DACH2: variants seen among roughly 807,000 people sequenced by gnomAD.
DACH2 encodes the protein dachshund family transcription factor 2.
DACH2 carries 17 observed loss-of-function variants against 35.8 expected under a neutral mutation model. The observed-to-expected ratio is 0.48, with a 90% CI of 0.33 to 0.71. The LOEUF is 0.71. Among genes scored for constraint, DACH2 ranks in the 30% least tolerant of loss-of-function variants. DACH2 has a pLI of 0.02. For synonymous variants in DACH2, 195 were observed against 177.3 expected, an observed-to-expected ratio of 1.10 and a Z score of -0.79; for missense variants, 469 against 472.7, an observed-to-expected ratio of 0.99 and a Z score of 0.07.
intron 2 of DACH2, among the ~76,000 whole-genome samples, chrX:86,380,595 T>A (rs1049321364): frequency 9.1e-6 from 1 of 110,214 alleles, no homozygotes. Flanking sequence ...AATATTCAGG[T>A]CTACATTTTG....
intron 1 of DACH2, among the ~76,000 whole-genome samples, chrX:86,295,294 A>T (rs1195282902): frequency 9.0e-6 from 1 of 111,727 alleles, no homozygotes; most frequent in African/African-American, 3.3e-5. Context: ...CGGTGCGCGC[A>T]CCCACTGACC....
At chrX:86,371,034 T>TA (rs1377588615) in intron 1 of DACH2, among the ~76,000 whole-genome samples, 1 of 111,342 alleles carries the variant, frequency 9.0e-6, no homozygotes, top group Non-Finnish European at 1.9e-5. Flanking sequence ...TTTGTTTTTG[T>TA]AGGACATATG....
chrX:86,283,514 G>A (rs1028140358), intron 1 of DACH2, among the ~76,000 whole-genome samples: 1 of 111,272 alleles, frequency 9.0e-6, no homozygotes, highest in African/African-American at 3.3e-5. Context: ...TACAGAAAAT[G>A]TGACACATAT....
At position 86,458,739 on chromosome X, in the gene DACH2, G is replaced by A. The variant is rs1486901811; in HGVS notation, c.528-55540G>A. Among the ~76,000 whole-genome samples, 3 of 111,758 alleles carry A rather than the reference G, an allele frequency of 2.7e-5. No individual in the cohort carries two copies. In the East Asian group the frequency reaches 8.5e-4, roughly 31 times the overall value. On this transcript the variant is annotated intron_variant, in intron 2 of 11. Coordinates refer to ENST00000373125, the MANE Select transcript of DACH2 (RefSeq NM_053281.3). ...AAGGAAAAATTTATAAATATTCTTTGAGGATAAGTGTTAAATCAATTTGGG... is the reference window on the plus strand; with the variant it reads ...AAGGAAAAATTTATAAATATTCTTTAAGGATAAGTGTTAAATCAATTTGGG...
At chrX:86,400,599 T>A (rs1300449941) in intron 2 of DACH2, among the ~76,000 whole-genome samples, 1 of 112,126 alleles carries the variant, frequency 8.9e-6, no homozygotes, top group Non-Finnish European at 1.9e-5. Context: ...CTTCTAACAG[T>A]CAGGACCCTC....
chrX:86,498,298 C>G (rs1209430653), intron 2 of DACH2, among the ~76,000 whole-genome samples: 1 of 111,721 alleles, frequency 9.0e-6, no homozygotes, highest in Non-Finnish European at 1.9e-5. Flanking sequence ...TTCTTTAATA[C>G]AAACCCATCT....
chrX:86,384,534 A>G (rs956712151), intron 2 of DACH2, among the ~76,000 whole-genome samples: 1 of 112,062 alleles, frequency 8.9e-6, no homozygotes, highest in Non-Finnish European at 1.9e-5. Context: ...TCTGTTTTTG[A>G]TAACACTGAG....
chrX:86,477,086 G>C (rs1322328005), intron 2 of DACH2, among the ~76,000 whole-genome samples: 1 of 109,758 alleles, frequency 9.1e-6, no homozygotes, highest in Non-Finnish European at 1.9e-5. Flanking sequence ...CCTTGATAGT[G>C]ATCCACGTGC....
chrX:86,491,101 A>T (rs958209833), intron 2 of DACH2, among the ~76,000 whole-genome samples: 57 of 111,852 alleles, frequency 5.1e-4, no homozygotes, highest in African/African-American at 1.8e-3. Context: ...GAGTTTCCTA[A>T]CATATGTTAT....
At chrX:86,642,954 G>A (rs1362556243) in intron 3 of DACH2, among the ~76,000 whole-genome samples, 1 of 110,920 alleles carries the variant, frequency 9.0e-6, no homozygotes. Flanking sequence ...CACATAGAAG[G>A]CAGTGTTAAG....
intron 1 of DACH2, among the ~76,000 whole-genome samples, chrX:86,316,245 C>A (rs2034903728): frequency 9.1e-6 from 1 of 110,290 alleles, no homozygotes; most frequent in Non-Finnish European, 1.9e-5. Context: ...CTTAGTGTGC[C>A]TGTGTCTGCT....
intron 3 of DACH2, among the ~76,000 whole-genome samples, chrX:86,524,737 G>A (rs1342157871): frequency 2.7e-5 from 3 of 111,077 alleles, no homozygotes; most frequent in African/African-American, 9.8e-5. Flanking sequence ...TTAGGCTCCT[G>A]CCAATAATAT....
intron 3 of DACH2, among the ~76,000 whole-genome samples, chrX:86,638,564 A>AT (rs1215014636): frequency 9.0e-6 from 1 of 111,520 alleles, no homozygotes; most frequent in Admixed American, 9.6e-5. Flanking sequence ...TCAACAACAA[A>AT]TAAAAAAAAG....
At chrX:86,723,948 C>G (rs2041436512) in intron 6 of DACH2, among the ~76,000 whole-genome samples, 1 of 110,547 alleles carries the variant, frequency 9.0e-6, no homozygotes. Flanking sequence ...CTCCTGCTGG[C>G]TTTTGATTTT....
chrX:86,647,466 A>G (rs2040428923), intron 3 of DACH2, among the ~76,000 whole-genome samples: 1 of 110,822 alleles, frequency 9.0e-6, no homozygotes, highest in Non-Finnish European at 1.9e-5. Flanking sequence ...TGATGAATCT[A>G]AAATAGTCAA....
At chrX:86,170,766 C>A (rs2031099735) in intron 1 of DACH2, among the ~76,000 whole-genome samples, 1 of 112,402 alleles carries the variant, frequency 8.9e-6, no homozygotes, top group Non-Finnish European at 1.9e-5. Flanking sequence ...TTTGCCAAGG[C>A]TAAGCATGCG....
At chrX:86,196,566 G>T (rs1364370521) in intron 1 of DACH2, among the ~76,000 whole-genome samples, 1 of 107,016 alleles carries the variant, frequency 9.3e-6, no homozygotes, top group East Asian at 3.0e-4. Flanking sequence ...GGTGGTGGGT[G>T]CCTGTAGTCC....
At chrX:86,741,384 G>A (rs1371271185) in intron 7 of DACH2, among the ~76,000 whole-genome samples, 1 of 111,450 alleles carries the variant, frequency 9.0e-6, no homozygotes, top group Non-Finnish European at 1.9e-5. Context: ...GGATGCTGAG[G>A]CCACAAGCTC....
At chrX:86,274,989 T>G (rs2033891859) in intron 1 of DACH2, among the ~76,000 whole-genome samples, 1 of 111,551 alleles carries the variant, frequency 9.0e-6, no homozygotes, top group Non-Finnish European at 1.9e-5. Flanking sequence ...CCCAGAGTAT[T>G]GAAAGCAGCA....
Sources: gnomAD v4.1 joint callset for allele counts (sites outside exome capture counted in the v4.1 genomes callset) on GRCh38, gnomAD v4.1.1 for gene constraint, MANE v1.5 for transcripts, NCBI Gene and HGNC (gene_info 2026-07-23, HGNC 2026-07-21) for gene names.